TTC7A: variants seen among roughly 807,000 people sequenced by gnomAD.
TTC7A encodes the protein tetratricopeptide repeat domain 7A, also known as tetratricopeptide repeat protein 7A.
TTC7A carries 110 observed loss-of-function variants against 103.7 expected under a neutral mutation model. The ratio of observed to expected loss-of-function variants is 1.06; its 90% CI spans 0.91 to 1.24. The LOEUF is 1.24. Ranked by LOEUF, TTC7A falls within the 50% of genes most tolerant of loss-of-function variation. The pLI, the probability that TTC7A is intolerant of heterozygous loss-of-function variation, is 0.00. For missense variants in TTC7A, 1,340 were observed against 1,116.3 expected (o/e 1.20, Z -2.86); for synonymous variants, 521 against 467.9 (o/e 1.11, Z -1.47).
At chr2:47,051,916 T>TCTG in intron 18 of TTC7A, 36 bp downstream of exon 18, 1 of 1,578,608 alleles carries the variant, frequency 6.3e-7, no homozygotes, top group Non-Finnish European at 8.6e-7. Flanking sequence ...ACACAGCCTG[T>TCTG]CTGCAGGCCA....
intron 14 of TTC7A, among the ~76,000 whole-genome samples, chr2:47,026,416 G>C (rs1238837505): frequency 1.3e-5 from 2 of 152,156 alleles, no homozygotes; most frequent in East Asian, 1.9e-4. Context: ...GAGAACTCCG[G>C]GCCTGGCACT....
At chr2:47,047,425 G>A in intron 16 of TTC7A, 2 of 796,852 alleles carry the variant, frequency 2.5e-6, no homozygotes, top group Non-Finnish European at 4.0e-6. Context: ...CCAGTGGGCG[G>A]AAGCTGCCAG....
intron 8 of TTC7A, among the ~76,000 whole-genome samples, chr2:47,004,099 A>G (rs554582887): frequency 6.8e-4 from 104 of 152,196 alleles, no homozygotes; most frequent in African/African-American, 2.4e-3. Flanking sequence ...CTCCTGTTCC[A>G]CAGGCTGACT....
chr2:47,011,285 A>T, intron 10 of TTC7A, 46 bp from the exon 11 acceptor site: 1 of 1,573,898 alleles, frequency 6.4e-7, no homozygotes, highest in South Asian at 1.1e-5. Context: ...GGCCCTTGAG[A>T]TCCAGGACTG....
chr2:47,026,903 AC>A (rs1246469709), intron 14 of TTC7A, among the ~76,000 whole-genome samples: 1 of 152,034 alleles, frequency 6.6e-6, no homozygotes, highest in Admixed American at 6.6e-5. Flanking sequence ...CCACACCCCA[AC>A]CTCACCCCAG....
At chr2:46,950,259 C>A (rs2103964916) in intron 1 of TTC7A, 104 bp from the exon 2 acceptor site, 1 of 1,191,658 alleles carries the variant, frequency 8.4e-7, no homozygotes, top group Non-Finnish European at 1.2e-6. Flanking sequence ...CTGAGCCATT[C>A]ATGTACTGGG....
chr2:47,065,419 G>T (rs1288812481), intron 19 of TTC7A, among the ~76,000 whole-genome samples: 2 of 152,228 alleles, frequency 1.3e-5, no homozygotes, highest in African/African-American at 4.8e-5. Context: ...ATTGTGGGAA[G>T]ACAAATCAAT....
At chr2:47,015,767 CAG>C (rs1678587422) in intron 11 of TTC7A, among the ~76,000 whole-genome samples, 1 of 152,088 alleles carries the variant, frequency 6.6e-6, no homozygotes, top group Non-Finnish European at 1.5e-5. Context: ...TTTTCAAATT[CAG>C]GGGTGGGCAG....
intron 12 of TTC7A, 69 bp downstream of exon 12, chr2:47,022,048 C>T (rs1679351788): frequency 8.7e-7 from 1 of 1,155,818 alleles, no homozygotes; most frequent in Non-Finnish European, 1.3e-6. Flanking sequence ...TCAGAGGCAT[C>T]TTGTCCTACC....
In TTC7A at chr2:46,995,143, T is replaced by G; in HGVS notation, c.1009T>G (p.Cys337Gly). Reference protein sequence around the residue: ...PHLYEGDNLYCPKDNIEEALL... With the variant: ...PHLYEGDNLYGPKDNIEEALL... ...GTCATTGGTGTCTTTCAGCCTCTAC[T>G]GCCCCAAGGACAACATCGAGGAAGC... The change falls in exon 8 of 20, where the codon TGC (cysteine) becomes GGC (glycine). Residue 337 changes from cysteine to glycine, a missense_variant. Physicochemically the swap from Cys to Gly is radical, Grantham distance 159 (BLOSUM62 -3). Coordinates refer to ENST00000319190, the MANE Select transcript of TTC7A (RefSeq NM_020458.4). 6.2e-7 allele frequency: 1 copy of G among 1,614,224 alleles called. No individual in the cohort carries two copies. The highest frequency in any genetic ancestry group is 1.1e-5 in the South Asian group (1 of 91,084).
intron 1 of TTC7A, among the ~76,000 whole-genome samples, chr2:46,943,511 T>C (rs1465638355): frequency 2.3e-5 from 3 of 133,250 alleles, no homozygotes; most frequent in Non-Finnish European, 4.6e-5. Context: ...AGATACACTA[T>C]CACAAAGCAT....
chr2:47,003,454 T>TA (rs139952270), intron 8 of TTC7A, among the ~76,000 whole-genome samples: 2,448 of 152,214 alleles, frequency 0.016, 61 homozygotes, highest in African/African-American at 0.055. Flanking sequence ...ATGGTGACTG[T>TA]AGGGACCAGC....
chr2:46,980,703 G>C (rs527955444), intron 5 of TTC7A, among the ~76,000 whole-genome samples: 430 of 152,292 alleles, frequency 2.8e-3, no homozygotes, highest in African/African-American at 9.5e-3. Flanking sequence ...GGGCACAGAG[G>C]CTCAGTCCCA....
chr2:46,994,744 T>C (rs569625897), intron 7 of TTC7A, among the ~76,000 whole-genome samples: 2 of 152,196 alleles, frequency 1.3e-5, no homozygotes, highest in Non-Finnish European at 2.9e-5. Context: ...AGAAATCATT[T>C]AGAAGTTACC....
intron 5 of TTC7A, among the ~76,000 whole-genome samples, chr2:46,983,818 C>T (rs908599702): frequency 6.6e-6 from 1 of 152,170 alleles, no homozygotes; most frequent in African/African-American, 2.4e-5. Flanking sequence ...AAACAGTTTG[C>T]TGACCCCTGC....
intron 3 of TTC7A, chr2:46,958,547 G>A (rs543740098): frequency 7.7e-7 from 1 of 1,303,418 alleles, no homozygotes; most frequent in Non-Finnish European, 1.0e-6. Flanking sequence ...AGGTCCTGCA[G>A]GGGAGGTAAG....
In TTC7A at chr2:47,021,024, A is replaced by T. The variant is rs112411396; in HGVS notation, c.1393-838A>T. Among the ~76,000 whole-genome samples, 5 of 152,332 alleles carry T rather than the reference A, an allele frequency of 3.3e-5. 1 individual carries two copies. Among genetic ancestry groups the T allele is most frequent in the African/African-American group, 1.2e-4 (5 of 41,578 alleles). On this transcript the variant is annotated intron_variant, in intron 11 of 19. Coordinates refer to ENST00000319190, the MANE Select transcript of TTC7A (RefSeq NM_020458.4). Reference sequence around the variant, plus strand: ...CTGGGTGGCACTGAAGGGTTTGCACATGGCATTCAGTCTCTTGCTGTGGGT... The same window carrying T: ...CTGGGTGGCACTGAAGGGTTTGCACTTGGCATTCAGTCTCTTGCTGTGGGT...
intron 15 of TTC7A, among the ~76,000 whole-genome samples, chr2:47,033,294 A>G (rs1320665784): frequency 6.6e-6 from 1 of 152,240 alleles, no homozygotes. Flanking sequence ...CGTCCCCAGT[A>G]AGATCTGTAT....
At chr2:46,953,985 A>C (rs947612240) in intron 2 of TTC7A, among the ~76,000 whole-genome samples, 4 of 152,076 alleles carry the variant, frequency 2.6e-5, no homozygotes, top group Non-Finnish European at 5.9e-5. Context: ...TTGAGACCCA[A>C]GAAAGGTGAT....
Sources: allele counts gnomAD v4.1 joint callset (sites outside exome capture counted in the v4.1 genomes callset), GRCh38; gene constraint gnomAD v4.1.1; transcripts MANE v1.5; gene names NCBI Gene and HGNC (gene_info 2026-07-23, HGNC 2026-07-21).